ADAM18: variants seen among roughly 807,000 people sequenced by gnomAD.
ADAM18 encodes the protein disintegrin and metalloproteinase domain-containing protein 18.
ADAM18 carries 117 observed loss-of-function variants against 94.4 expected under a neutral mutation model. The ratio of observed to expected loss-of-function variants is 1.24; its 90% CI spans 1.07 to 1.45. The LOEUF is 1.45. Among genes scored for constraint, ADAM18 ranks in the 40% most tolerant of loss-of-function variants. ADAM18 has a pLI of 0.00. For missense variants in ADAM18, 936 were observed against 880.0 expected, an observed-to-expected ratio of 1.06 and a Z score of -0.81; for synonymous variants, 327 against 291.6, an observed-to-expected ratio of 1.12 and a Z score of -1.24.
chr8:39,669,575 TG>T (rs1369847142), intron 14 of ADAM18, among the ~76,000 whole-genome samples: 27 of 151,228 alleles, frequency 1.8e-4, no homozygotes, highest in African/African-American at 6.3e-4. Flanking sequence ...TTTGGTTTTT[TG>T]TCCTTGCCAT....
intron 6 of ADAM18, among the ~76,000 whole-genome samples, chr8:39,616,960 A>G (rs531243369): frequency 6.6e-6 from 1 of 152,332 alleles, no homozygotes; most frequent in South Asian, 2.1e-4. Context: ...GGCCGTAGCA[A>G]AGATTTTATG....
At chr8:39,728,032 C>T (rs1054603247) in intron 19 of ADAM18, among the ~76,000 whole-genome samples, 7 of 152,032 alleles carry the variant, frequency 4.6e-5, no homozygotes, top group Non-Finnish European at 8.8e-5. Context: ...GGTGAAGGGG[C>T]AAAAGGTATG....
intron 12 of ADAM18, among the ~76,000 whole-genome samples, chr8:39,660,078 C>T (rs1219608995): frequency 6.6e-6 from 1 of 151,826 alleles, no homozygotes; most frequent in South Asian, 2.1e-4. Context: ...CTTATGATAA[C>T]CACAACGCAA....
chr8:39,619,191 A>T (rs1402435608), intron 6 of ADAM18, among the ~76,000 whole-genome samples: 2 of 152,236 alleles, frequency 1.3e-5, no homozygotes, highest in African/African-American at 2.4e-5. Flanking sequence ...ATAGATCTAA[A>T]GGAAAAGATA....
At chr8:39,624,772 T>A (rs2129578893) in intron 6 of ADAM18, among the ~76,000 whole-genome samples, 1 of 152,254 alleles carries the variant, frequency 6.6e-6, no homozygotes, top group African/African-American at 2.4e-5. Context: ...TCAGGAGATC[T>A]GGTTGTTTAA....
chr8:39,705,531 C>A (rs1270441484), intron 17 of ADAM18, among the ~76,000 whole-genome samples: 2 of 152,012 alleles, frequency 1.3e-5, no homozygotes, highest in African/African-American at 2.4e-5. Flanking sequence ...TCAAGACCAG[C>A]CTGGGCAACA....
Position 39,601,625 on chromosome 8 carries a change from G to A in ADAM18, c.133-4682G>A, listed in dbSNP as rs72641289. Among the ~76,000 whole-genome samples the A allele has an allele frequency of 3.8e-3, 578 of 151,832 alleles. 3 individuals carry two copies. The highest frequency in any genetic ancestry group is 6.0e-3 in the Non-Finnish European group (410 of 67,920). On this transcript the variant is annotated intron_variant, in intron 2 of 19. Coordinates refer to ENST00000265707, the MANE Select transcript of ADAM18 (RefSeq NM_014237.3). The stretch of plus-strand genomic sequence containing the variant: ...TCTGTGGGCATATAATTGGGTCTTG[G>A]TTTTTTATCCAATCTCACATTACCT...
intron 11 of ADAM18, among the ~76,000 whole-genome samples, chr8:39,647,454 G>A (rs1360018040): frequency 6.6e-6 from 1 of 152,126 alleles, no homozygotes; most frequent in Non-Finnish European, 1.5e-5. Flanking sequence ...ATGTACAATC[G>A]GGTTTTATAC....
At chr8:39,630,977 T>C (rs1047981464) in intron 7 of ADAM18, among the ~76,000 whole-genome samples, 1 of 152,016 alleles carries the variant, frequency 6.6e-6, no homozygotes, top group Admixed American at 6.6e-5. Flanking sequence ...TAACACATGA[T>C]TGAGTTTGAG....
intron 3 of ADAM18, among the ~76,000 whole-genome samples, chr8:39,608,075 A>C (rs1026760786): frequency 6.6e-6 from 1 of 152,018 alleles, no homozygotes; most frequent in African/African-American, 2.4e-5. Context: ...CAAATATATA[A>C]GTTTTTCAGG....
chr8:39,723,210 A>G (rs1822809323), intron 18 of ADAM18, among the ~76,000 whole-genome samples: 1 of 151,516 alleles, frequency 6.6e-6, no homozygotes, highest in South Asian at 2.1e-4. Context: ...TAGAATGTCA[A>G]TGAGTGGAAA....
intron 18 of ADAM18, among the ~76,000 whole-genome samples, chr8:39,713,540 T>C (rs1190820584): frequency 1.3e-5 from 2 of 152,000 alleles, no homozygotes; most frequent in South Asian, 4.1e-4. Context: ...CAGTCTACCC[T>C]TCTGACAAAG....
intron 19 of ADAM18, among the ~76,000 whole-genome samples, chr8:39,726,253 G>A (rs1172494585): frequency 1.6e-5 from 2 of 126,872 alleles, no homozygotes; most frequent in African/African-American, 6.2e-5. Flanking sequence ...ACTTGTATGA[G>A]ATCTACACAC....
At chr8:39,615,981 G>A (rs560894434) in intron 6 of ADAM18, among the ~76,000 whole-genome samples, 1 of 152,162 alleles carries the variant, frequency 6.6e-6, no homozygotes, top group Non-Finnish European at 1.5e-5. Flanking sequence ...AAAATATCTA[G>A]GAATATAGAT....
chr8:39,644,841 T>C (rs1023703808), intron 10 of ADAM18, among the ~76,000 whole-genome samples: 6 of 152,202 alleles, frequency 3.9e-5, no homozygotes, highest in African/African-American at 1.4e-4. Flanking sequence ...CTTTATTTTC[T>C]TAAAAGCATG....
chr8:39,630,128 ATAG>A (rs1819891939), intron 7 of ADAM18, among the ~76,000 whole-genome samples: 2 of 152,034 alleles, frequency 1.3e-5, no homozygotes, highest in South Asian at 2.1e-4. Flanking sequence ...CACTTCAATA[ATAG>A]TAGTGTTTAT....
intron 2 of ADAM18, among the ~76,000 whole-genome samples, chr8:39,602,202 A>G (rs1047672774): frequency 7.2e-5 from 11 of 152,196 alleles, no homozygotes; most frequent in Admixed American, 5.2e-4. Flanking sequence ...GTTTTAAATC[A>G]TATAATAATT....
intron 17 of ADAM18, among the ~76,000 whole-genome samples, chr8:39,694,257 T>A (rs184494872): frequency 5.3e-5 from 8 of 151,338 alleles, no homozygotes; most frequent in African/African-American, 1.9e-4. Context: ...CAATTAAAAT[T>A]ATTCTTTTAT....
rs539082033 is a variant in ADAM18, at chr8:39,640,734, G to A, written c.909+2188G>A. Among the ~76,000 whole-genome samples, 3 of 152,104 alleles carry A rather than the reference G, an allele frequency of 2.0e-5. No homozygotes were observed. The East Asian group carries it at 5.8e-4, about 29-fold the overall frequency. On this transcript the variant is annotated intron_variant, in intron 10 of 19. Coordinates refer to ENST00000265707, the MANE Select transcript of ADAM18 (RefSeq NM_014237.3). ...ATAATAGCAATTCTGACTGATGTAA[G>A]GTGCTATCTCATTGTGGTTTCGATT...
Sources: gnomAD v4.1 joint callset for allele counts (sites outside exome capture counted in the v4.1 genomes callset) on GRCh38, gnomAD v4.1.1 for gene constraint, MANE v1.5 for transcripts, NCBI Gene and HGNC (gene_info 2026-07-23, HGNC 2026-07-21) for gene names.